ZFAND3: variants seen among roughly 807,000 people sequenced by gnomAD.
The protein encoded by ZFAND3 is AN1-type zinc finger protein 3.
Under a neutral mutation model 29.6 loss-of-function variants are expected in ZFAND3, and 10 were observed. The observed-to-expected ratio is 0.34, with a 90% CI of 0.21 to 0.57. The LOEUF is 0.57. Ranked by LOEUF, ZFAND3 falls within the 20% of genes least tolerant of loss-of-function variation. The pLI is 0.86. For missense variants in ZFAND3, 230 were observed against 304.5 expected, an observed-to-expected ratio of 0.76 and a Z score of 1.82; for synonymous variants, 128 against 112.6, an observed-to-expected ratio of 1.14 and a Z score of -0.87.
intron 1 of ZFAND3, among the ~76,000 whole-genome samples, chr6:37,831,489 A>G (rs745855853): frequency 6.6e-6 from 1 of 152,222 alleles, no homozygotes; most frequent in Non-Finnish European, 1.5e-5. Context: ...CTGCCCTGAG[A>G]AAGCTCACGG....
intron 2 of ZFAND3, among the ~76,000 whole-genome samples, chr6:38,029,167 T>G (rs1415530658): frequency 1.3e-5 from 2 of 152,230 alleles, no homozygotes; most frequent in African/African-American, 4.8e-5. Context: ...TCCATCAAGC[T>G]TCTTTACTCA....
intron 5 of ZFAND3, among the ~76,000 whole-genome samples, chr6:38,139,208 G>A (rs1212457236): frequency 6.6e-6 from 1 of 152,172 alleles, no homozygotes; most frequent in African/African-American, 2.4e-5. Context: ...ATTGGCCTTT[G>A]CTTGCTCCCT....
intron 2 of ZFAND3, among the ~76,000 whole-genome samples, chr6:37,949,325 T>G (rs887596273): frequency 6.6e-6 from 1 of 152,146 alleles, no homozygotes; most frequent in African/African-American, 2.4e-5. Context: ...TAATTTCAGT[T>G]CTTATTGTGT....
At chr6:38,072,654 AAAC>A (rs1359776934) in intron 3 of ZFAND3, among the ~76,000 whole-genome samples, 1 of 152,218 alleles carries the variant, frequency 6.6e-6, no homozygotes, top group African/African-American at 2.4e-5. Context: ...GCTGAAAAAA[AAAC>A]ATAATGGCAT....
intron 5 of ZFAND3, among the ~76,000 whole-genome samples, chr6:38,149,488 G>A (rs1581962339): frequency 6.6e-6 from 1 of 151,918 alleles, no homozygotes; most frequent in Non-Finnish European, 1.5e-5. Context: ...AGAGAAATAA[G>A]GTGTTTTGGG....
chr6:38,006,605 ACTT>A (rs1243122605), intron 2 of ZFAND3, among the ~76,000 whole-genome samples: 1 of 151,238 alleles, frequency 6.6e-6, no homozygotes, highest in Non-Finnish European at 1.5e-5. Context: ...TTCTCAGAAA[ACTT>A]CTGTGTAACA....
chr6:37,845,769 T>TTTGGGAAATA (rs1244047513), intron 1 of ZFAND3, among the ~76,000 whole-genome samples: 1 of 152,222 alleles, frequency 6.6e-6, no homozygotes, highest in Non-Finnish European at 1.5e-5. Flanking sequence ...TGTAAAGTGC[T>TTTGGGAAATA]TTGGGAAATA....
chr6:37,866,625 G>C (rs1158913480), intron 1 of ZFAND3, among the ~76,000 whole-genome samples: 3 of 152,134 alleles, frequency 2.0e-5, no homozygotes, highest in Non-Finnish European at 4.4e-5. Flanking sequence ...TTACCCAGTG[G>C]TTTTCACAGG....
chr6:37,950,932 G>A (rs1761987175), intron 2 of ZFAND3, among the ~76,000 whole-genome samples: 1 of 152,176 alleles, frequency 6.6e-6, no homozygotes, highest in South Asian at 2.1e-4. Flanking sequence ...GATGGGAATA[G>A]CATGAAATGT....
At chr6:37,826,236 G>C (rs1763757608) in intron 1 of ZFAND3, among the ~76,000 whole-genome samples, 1 of 143,140 alleles carries the variant, frequency 7.0e-6, no homozygotes, top group Non-Finnish European at 1.5e-5. Flanking sequence ...TGGCTTTTTG[G>C]ATTTCGTGGG....
intron 1 of ZFAND3, among the ~76,000 whole-genome samples, chr6:37,870,617 AAG>A (rs1764677992): frequency 6.6e-6 from 1 of 151,506 alleles, no homozygotes; most frequent in East Asian, 1.9e-4. Context: ...AAAAAAAAAA[AAG>A]AGCACTTAAC....
At chr6:37,989,597 G>GC (rs1762726155) in intron 2 of ZFAND3, among the ~76,000 whole-genome samples, 1 of 152,064 alleles carries the variant, frequency 6.6e-6, no homozygotes, top group Admixed American at 6.6e-5. Flanking sequence ...TACGAATTTT[G>GC]GGGGGACACA....
chr6:37,970,914 AAACC>A (rs1295287962), intron 2 of ZFAND3, among the ~76,000 whole-genome samples: 1 of 131,170 alleles, frequency 7.6e-6, no homozygotes, highest in Non-Finnish European at 1.8e-5. Flanking sequence ...CAAAACAAAC[AAACC>A]AAACAAACAA....
At position 37,819,858 on chromosome 6, in the gene ZFAND3, A is replaced by ACGCCGC. The variant is rs1763625364; in HGVS notation, c.-83_-78dup. 2 of 542,888 alleles carry ACGCCGC rather than the reference A, an allele frequency of 3.7e-6. No homozygotes were observed. The highest frequency in any genetic ancestry group is 5.4e-5 in the Admixed American group (1 of 18,678). 33.6% of individuals were successfully genotyped at this position (542,888 alleles called of 1,614,324 possible). A position where few individuals can be genotyped will look rare whatever the true frequency, so the allele number is the denominator to read the frequency against. On this transcript the variant is annotated 5_prime_UTR_variant, in exon 1 of 6. Transcript: ENST00000287218. ...CCCTCCCCCCGCCCCGAGCCCCCCG[A>ACGCCGC]CGCCGCCGCCACCGCCTCCTCAGAG...
intron 1 of ZFAND3, among the ~76,000 whole-genome samples, chr6:37,851,579 A>G (rs1013794715): frequency 3.9e-5 from 6 of 152,216 alleles, no homozygotes; most frequent in African/African-American, 1.2e-4. Flanking sequence ...TACTTACAGT[A>G]TTCTCTGAAG....
intron 1 of ZFAND3, among the ~76,000 whole-genome samples, chr6:37,867,336 C>T (rs1764607919): frequency 6.6e-6 from 1 of 152,172 alleles, no homozygotes; most frequent in South Asian, 2.1e-4. Flanking sequence ...GAATCACAGA[C>T]AGAAACTCAG....
intron 1 of ZFAND3, among the ~76,000 whole-genome samples, chr6:37,888,761 T>C (rs1050066954): frequency 5.3e-5 from 8 of 152,248 alleles, no homozygotes; most frequent in African/African-American, 1.9e-4. Flanking sequence ...GACCTTGGAC[T>C]TTTTGGCTGC....
intron 2 of ZFAND3, among the ~76,000 whole-genome samples, chr6:38,060,088 C>G (rs1237894464): frequency 2.0e-5 from 3 of 152,090 alleles, no homozygotes; most frequent in Non-Finnish European, 4.4e-5. Flanking sequence ...GCTTTTCAAC[C>G]AAACCCAGAT....
intron 1 of ZFAND3, among the ~76,000 whole-genome samples, chr6:37,863,887 G>A (rs1764538778): frequency 6.6e-6 from 1 of 152,180 alleles, no homozygotes; most frequent in Non-Finnish European, 1.5e-5. Context: ...AAGTCTAGTG[G>A]CAATTAAATA....
Sources: gnomAD v4.1 joint callset for allele counts (sites outside exome capture counted in the v4.1 genomes callset) on GRCh38, gnomAD v4.1.1 for gene constraint, MANE v1.5 for transcripts, NCBI Gene and HGNC (gene_info 2026-07-23, HGNC 2026-07-21) for gene names.